The following SLC20A1 variants were observed in gnomAD, a reference collection of about 807,000 sequenced individuals.
The protein encoded by SLC20A1 is solute carrier family 20 member 1, also known as sodium-dependent phosphate transporter 1.
SLC20A1 carries 28 observed loss-of-function variants against 62.7 expected under a neutral mutation model. That is an observed-to-expected ratio of 0.45 (90% CI 0.33 to 0.61). The LOEUF is 0.61. Ranked by LOEUF, SLC20A1 falls within the 20% of genes least tolerant of loss-of-function variation. The pLI is 0.02. For synonymous variants in SLC20A1, 305 were observed against 302.9 expected, an observed-to-expected ratio of 1.01 and a Z score of -0.07; for missense variants, 673 against 838.6, an observed-to-expected ratio of 0.80 and a Z score of 2.44.
intron 5 of SLC20A1, among the ~76,000 whole-genome samples, chr2:112,656,839 A>T (rs950909924): frequency 6.6e-6 from 1 of 152,200 alleles, no homozygotes; most frequent in Non-Finnish European, 1.5e-5. Flanking sequence ...TTATCTTCCA[A>T]GGTGAAGAAA....
intron 5 of SLC20A1, among the ~76,000 whole-genome samples, chr2:112,654,102 T>G (rs1686521210): frequency 6.6e-6 from 1 of 152,198 alleles, no homozygotes; most frequent in African/African-American, 2.4e-5. Context: ...ATATTTTAAT[T>G]TTTTACCTTA....
chr2:112,653,535 C>T (rs992646325), intron 5 of SLC20A1, among the ~76,000 whole-genome samples: 6 of 152,206 alleles, frequency 3.9e-5, no homozygotes, highest in Non-Finnish European at 2.9e-5. Flanking sequence ...ATTCTTTATA[C>T]TGTGACCCAC....
At chr2:112,660,302 A>G (rs1686711900) in intron 8 of SLC20A1, 85 bp from the exon 9 acceptor site, 2 of 1,216,318 alleles carry the variant, frequency 1.6e-6, no homozygotes, top group Admixed American at 2.1e-5. Flanking sequence ...ACTTTAGACA[A>G]CCTGGTAGAT....
intron 9 of SLC20A1, 182 bp from the exon 10 acceptor site, chr2:112,660,960 A>G (rs1686732966): frequency 1.9e-6 from 1 of 515,024 alleles, no homozygotes; most frequent in East Asian, 2.9e-5. Flanking sequence ...TTGAATAAGG[A>G]AACTGGGCAT....
At chr2:112,658,006 A>G (rs1408454828) in intron 6 of SLC20A1, among the ~76,000 whole-genome samples, 3 of 152,202 alleles carry the variant, frequency 2.0e-5, no homozygotes, top group South Asian at 4.1e-4. Context: ...TGAGGGATGC[A>G]TAGACTGCAG....
At chr2:112,647,302 A>G in intron 2 of SLC20A1, 22 bp from the exon 3 acceptor site, 1 of 1,608,614 alleles carries the variant, frequency 6.2e-7, no homozygotes, top group Non-Finnish European at 8.5e-7. Flanking sequence ...TATTTACTTA[A>G]TAAAACTTTA....
chr2:112,651,031 A>C (rs143929461), intron 4 of SLC20A1, among the ~76,000 whole-genome samples: 1 of 152,340 alleles, frequency 6.6e-6, no homozygotes, highest in East Asian at 1.9e-4. Context: ...TAGTTATTCA[A>C]GGATGCTTAA....
intron 5 of SLC20A1, among the ~76,000 whole-genome samples, chr2:112,655,154 A>AT (rs1686548668): frequency 6.6e-6 from 1 of 151,684 alleles, no homozygotes; most frequent in African/African-American, 2.4e-5. Context: ...TTTTTAGTAG[A>AT]TACGTGGTTT....
At chr2:112,659,820 C>A in intron 8 of SLC20A1, 58 bp downstream of exon 8, 1 of 1,467,744 alleles carries the variant, frequency 6.8e-7, no homozygotes, top group South Asian at 1.3e-5. Flanking sequence ...TTATCCTTGT[C>A]ACAGGCCTGT....
intron 5 of SLC20A1, among the ~76,000 whole-genome samples, chr2:112,656,802 T>C (rs995361772): frequency 1.3e-5 from 2 of 152,222 alleles, no homozygotes; most frequent in African/African-American, 4.8e-5. Flanking sequence ...TAGCTAGTCA[T>C]AGGTCCTTAG....
chr2:112,659,028 C>T lies in SLC20A1; in HGVS notation c.982C>T (p.Pro328Ser). Residue 328 changes from proline to serine, a missense_variant, in exon 7 of 11, where the codon CCA becomes TCA. Transcript: ENST00000272542. ...CAAACTTGGAGATTTGGAGGAAGCT[C>T]CAGAGAGAGAGAGGCTTCCCAGCGT... is the stretch of plus-strand genomic sequence containing the variant. ...SFKLGDLEEA[P>S]ERERLPSVDL... 1 of 1,614,016 alleles carries T rather than the reference C, an allele frequency of 6.2e-7. No homozygotes were observed. The highest frequency in any genetic ancestry group is 8.5e-7 in the Non-Finnish European group (1 of 1,179,996).
Position 112,663,055 on chromosome 2 carries a change from G to A in SLC20A1, c.*30G>A, listed in dbSNP as rs1466357283. On this transcript the variant is annotated 3_prime_UTR_variant, in exon 11 of 11. Transcript: ENST00000272542. ...GTTTGAGATTAAAATTTGTGTCAAT[G>A]TTTGGGACCATCTTAGGTATTCCTG... is the stretch of plus-strand genomic sequence containing the variant. 3 of 1,611,916 alleles carry A rather than the reference G, an allele frequency of 1.9e-6. No individual in the cohort carries two copies. The highest frequency in any genetic ancestry group is 2.5e-6 in the Non-Finnish European group (3 of 1,178,292).
intron 4 of SLC20A1, among the ~76,000 whole-genome samples, chr2:112,650,243 C>G (rs1386081691): frequency 6.6e-6 from 1 of 151,774 alleles, no homozygotes; most frequent in Non-Finnish European, 1.5e-5. Flanking sequence ...TACGAAATAT[C>G]TTTGAAAATC....
At chr2:112,648,546 A>G (rs1686345791) in intron 4 of SLC20A1, among the ~76,000 whole-genome samples, 1 of 152,236 alleles carries the variant, frequency 6.6e-6, no homozygotes, top group Non-Finnish European at 1.5e-5. Context: ...GGGAGATAGC[A>G]TAAATCCCAG....
At position 112,658,984 on chromosome 2, in the gene SLC20A1, A is replaced by T; in HGVS notation, c.938A>T (p.Glu313Val). The T allele has an allele frequency of 6.2e-7, 1 of 1,614,204 alleles. No individual in the cohort carries two copies. The highest frequency in any genetic ancestry group is 2.2e-5 in the East Asian group (1 of 44,888). ...ACTGTGCCCCTCCAGGCTGTGGTGG[A>T]GGAGAGAACAGTCTCATTCAAACTT... ...PATVPLQAVV[E>V]ERTVSFKLGD... The change falls in exon 7 of 11, where the codon GAG (glutamate) becomes GTG (valine). Residue 313 changes from glutamate to valine, a missense_variant. By Grantham distance (121) the Glu-to-Val change is moderately radical. Coordinates refer to ENST00000272542, the MANE Select transcript of SLC20A1 (RefSeq NM_005415.5).
chr2:112,647,293 A>G lies in SLC20A1; in HGVS notation c.335-31A>G, dbSNP rs763366223. 5.6e-6 allele frequency: 9 copies of G among 1,605,524 alleles called. No individual in the cohort carries two copies. In the South Asian group the frequency reaches 1.0e-4, roughly 18 times the overall value. On this transcript the variant is annotated intron_variant, in intron 2 of 10. Coordinates refer to ENST00000272542, the MANE Select transcript of SLC20A1 (RefSeq NM_005415.5). ...GCCACTTACATAATGGAATTTTGAT[A>G]TTTACTTAATAAAACTTTACTATGT...
intron 4 of SLC20A1, among the ~76,000 whole-genome samples, chr2:112,649,355 A>G (rs1276333438): frequency 3.3e-5 from 5 of 152,196 alleles, no homozygotes; most frequent in South Asian, 2.1e-4. Context: ...GTGCACGTGC[A>G]CACACACACT....
chr2:112,651,115 A>G (rs1318490562), intron 4 of SLC20A1, among the ~76,000 whole-genome samples: 5 of 152,188 alleles, frequency 3.3e-5, no homozygotes, highest in Non-Finnish European at 5.9e-5. Flanking sequence ...CTATTAAACT[A>G]TAGATAAGAG....
In SLC20A1 at chr2:112,663,254, CT is replaced by C; in HGVS notation, c.*232del. 1.7e-6 allele frequency: 1 copy of C among 606,014 alleles called. No homozygotes were observed. The highest frequency in any genetic ancestry group is 3.2e-6 in the Non-Finnish European group (1 of 316,440). 37.5% of individuals were successfully genotyped at this position (606,014 alleles called of 1,614,324 possible). A position where few individuals can be genotyped will look rare whatever the true frequency, so the allele number is the denominator to read the frequency against. ...TTCCACTGGCTCCTGCTGAGGTCCCCTTTCCTTCTGGGCTGTGAATTCCTGT... is the reference window on the plus strand; with the variant it reads ...TTCCACTGGCTCCTGCTGAGGTCCCCTTCCTTCTGGGCTGTGAATTCCTGT... On this transcript the variant is annotated 3_prime_UTR_variant, in exon 11 of 11. Transcript: ENST00000272542.
Sources: gnomAD v4.1 joint callset for allele counts (sites outside exome capture counted in the v4.1 genomes callset) on GRCh38, gnomAD v4.1.1 for gene constraint, MANE v1.5 for transcripts, NCBI Gene and HGNC (gene_info 2026-07-23, HGNC 2026-07-21) for gene names.